Variants in SLC39A10 observed in about 807,000 individuals in gnomAD.
The protein encoded by SLC39A10 is solute carrier family 39 member 10.
Under a neutral mutation model 65.1 loss-of-function variants are expected in SLC39A10, and 13 were observed. The observed-to-expected ratio is 0.20, with a 90% CI of 0.13 to 0.32. The LOEUF (loss-of-function observed/expected upper bound fraction) is 0.32, where lower values mean the gene tolerates loss of function less well. SLC39A10 is among the 10% of genes least tolerant of loss of function. The pLI is 1.00. For synonymous variants in SLC39A10, 321 were observed against 342.2 expected, an observed-to-expected ratio of 0.94 and a Z score of 0.68; for missense variants, 831 against 1,018.4, an observed-to-expected ratio of 0.82 and a Z score of 2.50.
intron 2 of SLC39A10, among the ~76,000 whole-genome samples, chr2:195,636,523 G>T (rs550492505): frequency 1.3e-5 from 2 of 152,200 alleles, no homozygotes; most frequent in East Asian, 1.9e-4. Context: ...AGGCTGAGGC[G>T]GGTGGATCAC....
At chr2:195,678,159 A>G (rs1319415642) in intron 1 of SLC39A10, among the ~76,000 whole-genome samples, 1 of 152,228 alleles carries the variant, frequency 6.6e-6, no homozygotes, top group Non-Finnish European at 1.5e-5. Context: ...CTGTGTAAGT[A>G]CATAGGCTTA....
chr2:195,663,756 T>G (rs1306360416), intron 1 of SLC39A10, among the ~76,000 whole-genome samples: 3 of 151,624 alleles, frequency 2.0e-5, no homozygotes, highest in African/African-American at 7.3e-5. Context: ...GAAAAAAGAT[T>G]TGGGTTTTAA....
chr2:195,719,474 T>G (rs1320086863), intron 8 of SLC39A10, among the ~76,000 whole-genome samples: 3 of 152,170 alleles, frequency 2.0e-5, no homozygotes, highest in Non-Finnish European at 4.4e-5. Flanking sequence ...CTAGACTTGA[T>G]ACCTGTCGAC....
intron 8 of SLC39A10, among the ~76,000 whole-genome samples, chr2:195,724,260 G>C (rs2105839109): frequency 6.6e-6 from 1 of 152,256 alleles, no homozygotes; most frequent in East Asian, 1.9e-4. Flanking sequence ...TTGTGCTAAT[G>C]ATATCCCTTG....
chr2:195,671,439 CA>C (rs1337944103), intron 1 of SLC39A10, among the ~76,000 whole-genome samples: 7 of 152,152 alleles, frequency 4.6e-5, no homozygotes, highest in Non-Finnish European at 8.8e-5. Context: ...CAGCACCTAG[CA>C]GAACTCTTCA....
chr2:195,708,636 T>G lies in SLC39A10; in HGVS notation c.1387-20T>G, dbSNP rs1691492713. The stretch of plus-strand genomic sequence containing the variant: ...CATTTCAATTATTTGTTTAGAAGTT[T>G]TATTTGTTCTTATTAATAGTCTCAG... On this transcript the variant is annotated intron_variant, in intron 4 of 9. Transcript: ENST00000359634. 2 of 1,504,982 alleles carry G rather than the reference T, an allele frequency of 1.3e-6. No homozygotes were observed. The highest frequency in any genetic ancestry group is 1.8e-6 in the Non-Finnish European group (2 of 1,125,132). The allele number at this position is 1,504,982 out of a possible 1,614,324, so 93.2% of individuals were successfully genotyped here.
chr2:195,686,924 T>C (rs1690548011), intron 3 of SLC39A10, among the ~76,000 whole-genome samples: 1 of 152,240 alleles, frequency 6.6e-6, no homozygotes, highest in South Asian at 2.1e-4. Context: ...TTTTTAGTAG[T>C]ATTTTGACAG....
chr2:195,668,870 G>T (rs1689741048), intron 1 of SLC39A10, among the ~76,000 whole-genome samples: 3 of 152,198 alleles, frequency 2.0e-5, no homozygotes, highest in East Asian at 3.9e-4. Context: ...ATTACCTGAG[G>T]TCAGGAGTTC....
chr2:195,663,416 A>G (rs114473752), intron 1 of SLC39A10, among the ~76,000 whole-genome samples: 2,027 of 152,330 alleles, frequency 0.013, 64 homozygotes, highest in Admixed American at 0.07. Flanking sequence ...GGCTAGGGAA[A>G]GATTTATTTA....
intron 2 of SLC39A10, among the ~76,000 whole-genome samples, chr2:195,617,073 T>A (rs958314895): frequency 6.6e-6 from 1 of 152,206 alleles, no homozygotes; most frequent in African/African-American, 2.4e-5. Context: ...TGAGACATAG[T>A]TACAAAGTCC....
At chr2:195,660,691 T>C (rs181709103) in intron 1 of SLC39A10, among the ~76,000 whole-genome samples, 1 of 152,148 alleles carries the variant, frequency 6.6e-6, no homozygotes, top group Non-Finnish European at 1.5e-5. Context: ...TGGGTAGAGA[T>C]AGAACAATCA....
At chr2:195,628,894 T>C (rs910270120) in intron 2 of SLC39A10, among the ~76,000 whole-genome samples, 4 of 152,226 alleles carry the variant, frequency 2.6e-5, no homozygotes. Context: ...TTCAGACTTC[T>C]CTTCAGAGCT....
At chr2:195,731,137 A>G (rs547914783) in intron 9 of SLC39A10, among the ~76,000 whole-genome samples, 1 of 152,312 alleles carries the variant, frequency 6.6e-6, no homozygotes, top group Admixed American at 6.5e-5. Context: ...ATTCAGAGTA[A>G]AAGTCCTAAA....
Position 195,615,011 on chromosome 2 carries a change from C to A in SLC39A10, c.-12+8778C>A, listed in dbSNP as rs758114663. On this transcript the variant is annotated intron_variant, in intron 2 of 2. Coordinates refer to the SLC39A10 transcript ENST00000458054. ...AGCTACAGTGAGCCGTGATTGTGACCATGTCAGTATACTCAGCCCGGGGAA... is the reference window on the plus strand; with the variant it reads ...AGCTACAGTGAGCCGTGATTGTGACAATGTCAGTATACTCAGCCCGGGGAA... Among the ~76,000 whole-genome samples, 7 of 152,200 alleles carry A rather than the reference C, an allele frequency of 4.6e-5. No homozygotes were observed. In the Middle Eastern group the frequency reaches 0.01, roughly 222 times the overall value.
intron 9 of SLC39A10, among the ~76,000 whole-genome samples, chr2:195,733,944 C>T (rs1019760072): frequency 4.6e-5 from 7 of 152,002 alleles, no homozygotes; most frequent in Non-Finnish European, 1.0e-4. Context: ...TGACTTGGTA[C>T]TAGTTATGCT....
intron 3 of SLC39A10, among the ~76,000 whole-genome samples, chr2:195,688,081 A>G (rs1253030217): frequency 4.6e-5 from 7 of 152,156 alleles, no homozygotes; most frequent in African/African-American, 9.7e-5. Context: ...AAGCAACCCA[A>G]TTTGCAGAAT....
intron 3 of SLC39A10, among the ~76,000 whole-genome samples, chr2:195,687,790 T>G (rs1408860680): frequency 6.6e-6 from 1 of 152,200 alleles, no homozygotes; most frequent in Admixed American, 6.5e-5. Flanking sequence ...TGCTATATAC[T>G]GTGTATGGTA....
At chr2:195,674,468 G>A in intron 1 of SLC39A10, 1 of 366,474 alleles carries the variant, frequency 2.7e-6, no homozygotes, top group African/African-American at 2.2e-5. Flanking sequence ...GTAGAGATGG[G>A]GTTTCACCAT....
intron 1 of SLC39A10, among the ~76,000 whole-genome samples, chr2:195,674,835 T>C (rs1690020457): frequency 6.7e-6 from 1 of 149,962 alleles, no homozygotes; most frequent in Non-Finnish European, 1.5e-5. Flanking sequence ...TACTGAATAC[T>C]GTAGGCAGTT....
Sources: gnomAD v4.1 joint callset for allele counts (sites outside exome capture counted in the v4.1 genomes callset) on GRCh38, gnomAD v4.1.1 for gene constraint, MANE v1.5 for transcripts, NCBI Gene and HGNC (gene_info 2026-07-23, HGNC 2026-07-21) for gene names.